PPP1R14C: variants seen among roughly 807,000 people sequenced by gnomAD.
PPP1R14C encodes protein phosphatase 1 regulatory subunit 14C.
PPP1R14C carries 16 observed loss-of-function variants against 20.4 expected under a neutral mutation model. The observed-to-expected ratio is 0.78, with a 90% CI of 0.53 to 1.19. The LOEUF is 1.19. PPP1R14C is among the 50% of genes most tolerant of loss of function. The pLI is 0.00. For missense variants in PPP1R14C, 211 were observed against 220.1 expected (o/e 0.96, Z 0.26); for synonymous variants, 91 against 91.0 (o/e 1.00, Z 0.00).
chr6:150,144,743 A>G (rs928198539), intron 1 of PPP1R14C, among the ~76,000 whole-genome samples: 1 of 152,262 alleles, frequency 6.6e-6, no homozygotes, highest in African/African-American at 2.4e-5. Context: ...TGATTATAAT[A>G]TAATGAAGCT....
At chr6:150,192,302 A>G (rs1185258758) in intron 1 of PPP1R14C, among the ~76,000 whole-genome samples, 1 of 152,174 alleles carries the variant, frequency 6.6e-6, no homozygotes, top group East Asian at 1.9e-4. Context: ...CACGGGAGAC[A>G]ATTTTTTTCA....
chr6:150,179,951 C>T (rs777146390), intron 1 of PPP1R14C, among the ~76,000 whole-genome samples: 10 of 152,126 alleles, frequency 6.6e-5, no homozygotes, highest in Admixed American at 1.3e-4. Flanking sequence ...CCTATAATTC[C>T]AGCTGTTTGG....
intron 1 of PPP1R14C, among the ~76,000 whole-genome samples, chr6:150,180,459 C>T (rs757959316): frequency 9.9e-5 from 15 of 152,242 alleles, no homozygotes; most frequent in African/African-American, 2.4e-4. Flanking sequence ...GAGAGCTATA[C>T]GTGGCAGGGC....
At chr6:150,174,425 C>T (rs1014988513) in intron 1 of PPP1R14C, among the ~76,000 whole-genome samples, 6 of 149,954 alleles carry the variant, frequency 4.0e-5, no homozygotes, top group South Asian at 2.1e-4. Flanking sequence ...ACCGTGTTAG[C>T]CAGGATGGTC....
chr6:150,203,455 C>A (rs555707824), intron 1 of PPP1R14C, among the ~76,000 whole-genome samples: 1 of 152,188 alleles, frequency 6.6e-6, no homozygotes, highest in African/African-American at 2.4e-5. Flanking sequence ...GGAGGCCTTG[C>A]GATGGGATTC....
rs1439009848 is a variant in PPP1R14C at position 150,201,323 on chromosome 6, A to G, written c.307-13421A>G. Among the ~76,000 whole-genome samples, 1 of 152,144 alleles carries G rather than the reference A, an allele frequency of 6.6e-6. No individual in the cohort carries two copies. The highest frequency in any genetic ancestry group is 1.5e-5 in the Non-Finnish European group (1 of 68,026). On this transcript the variant is annotated intron_variant, in intron 1 of 3. Coordinates refer to ENST00000361131, the MANE Select transcript of PPP1R14C (RefSeq NM_030949.3). The surrounding 1 kb of genome is among the most constrained non-coding windows in gnomAD (Gnocchi z 4.2). Reference sequence around the variant, plus strand: ...GCGAAAGAGAGGTGCAGGGCATTCTAAGTTTCCAGGGCTGGGAGGTTGACC... The same window carrying G: ...GCGAAAGAGAGGTGCAGGGCATTCTGAGTTTCCAGGGCTGGGAGGTTGACC...
chr6:150,162,107 T>G (rs1162044387), intron 1 of PPP1R14C, among the ~76,000 whole-genome samples: 1 of 146,664 alleles, frequency 6.8e-6, no homozygotes, highest in Non-Finnish European at 1.5e-5. Context: ...CCAGGCTGGG[T>G]GCAGTGGTGT....
rs537963126 is a variant in PPP1R14C at position 150,242,470 on chromosome 6, C to G, written c.424-6276C>G. Among the ~76,000 whole-genome samples, 9 of 152,282 alleles carry G rather than the reference C, an allele frequency of 5.9e-5. No individual in the cohort carries two copies. The East Asian group carries it at 1.7e-3, about 29-fold the overall frequency. ...AAAAAACTAGGAGGGGGAAAAACCCCTCTAATCATGTCAGTAATGGAAAAG... is the reference window on the plus strand; with the variant it reads ...AAAAAACTAGGAGGGGGAAAAACCCGTCTAATCATGTCAGTAATGGAAAAG... On this transcript the variant is annotated intron_variant, in intron 3 of 3. Transcript: ENST00000361131.
intron 3 of PPP1R14C, among the ~76,000 whole-genome samples, chr6:150,237,987 T>C (rs1033670288): frequency 2.0e-5 from 3 of 152,332 alleles, no homozygotes; most frequent in East Asian, 3.9e-4. Flanking sequence ...ATACGATCCA[T>C]AGTCCTCAGG....
At position 150,245,285 on chromosome 6, in the gene PPP1R14C, G is replaced by A. The variant is rs187760716; in HGVS notation, c.424-3461G>A. ...GGAGTACTGCTGTAGCTTTAAACTG[G>A]TCTGTGATTCACTGTTATCTTCATA... On this transcript the variant is annotated intron_variant, in intron 3 of 3. Coordinates refer to ENST00000361131, the MANE Select transcript of PPP1R14C (RefSeq NM_030949.3). Among the ~76,000 whole-genome samples the A allele has an allele frequency of 2.7e-3, 405 of 152,234 alleles. 2 individuals carry two copies. The highest frequency in any genetic ancestry group is 4.7e-3 in the Non-Finnish European group (320 of 68,008).
At chr6:150,145,975 G>C (rs888465797) in intron 1 of PPP1R14C, among the ~76,000 whole-genome samples, 2 of 152,208 alleles carry the variant, frequency 1.3e-5, no homozygotes, top group African/African-American at 4.8e-5. Context: ...GATGTATTTA[G>C]AAAGAGGAAG....
intron 3 of PPP1R14C, among the ~76,000 whole-genome samples, chr6:150,242,508 C>G (rs1323133969): frequency 6.6e-6 from 1 of 152,186 alleles, no homozygotes; most frequent in Non-Finnish European, 1.5e-5. Context: ...TTAGGCAAAA[C>G]CCAGCCTCTA....
chr6:150,249,025 A>G lies in PPP1R14C; in HGVS notation c.*205A>G, dbSNP rs1778529704. On this transcript the variant is annotated 3_prime_UTR_variant, in exon 4 of 4. Transcript: ENST00000361131. The stretch of plus-strand genomic sequence containing the variant: ...TGGTTTTAAAGGTTTTTGTTAATGT[A>G]ATATTTTAATAGCAAAGATATCATG... 1 of 481,536 alleles carries G rather than the reference A, an allele frequency of 2.1e-6. No homozygotes were observed. Among genetic ancestry groups the G allele is most frequent in the African/African-American group, 2.0e-5 (1 of 50,634 alleles). 29.8% of individuals were successfully genotyped at this position (481,536 alleles called of 1,614,324 possible). A position where few individuals can be genotyped will look rare whatever the true frequency, so the allele number is the denominator to read the frequency against.
chr6:150,192,735 C>T (rs544182826), intron 1 of PPP1R14C, among the ~76,000 whole-genome samples: 1 of 152,328 alleles, frequency 6.6e-6, no homozygotes, highest in Admixed American at 6.5e-5. Context: ...CTCTTGGGCT[C>T]TCTTACACAG....
chr6:150,205,820 AAAG>A lies in PPP1R14C; in HGVS notation c.307-8921_307-8919del, dbSNP rs888537943. Among the ~76,000 whole-genome samples the A allele has an allele frequency of 5.9e-5, 9 of 152,168 alleles. No individual in the cohort carries two copies. In the South Asian group the frequency reaches 8.3e-4, roughly 14 times the overall value. On this transcript the variant is annotated intron_variant, in intron 1 of 3. Transcript: ENST00000361131. ...AAAAAAAAAAAATAATGGAAATAAA[AAAG>A]AAAAAGAAATATATATATCATGCTA...
rs772936112 is a variant in PPP1R14C, at chr6:150,222,991, G to A, written c.423+6135G>A. Among the ~76,000 whole-genome samples the A allele has an allele frequency of 8.2e-4, 125 of 151,902 alleles. 1 individual carries two copies. In the Middle Eastern group the frequency reaches 0.037, roughly 45 times the overall value. Reference sequence around the variant, plus strand: ...ACCATGTTGGCAAGGCTGGTCTTGAGCTCCTGACCTCAGGTGATGTGCCCA... The same window carrying A: ...ACCATGTTGGCAAGGCTGGTCTTGAACTCCTGACCTCAGGTGATGTGCCCA... On this transcript the variant is annotated intron_variant, in intron 3 of 3. Transcript: ENST00000361131.
intron 1 of PPP1R14C, among the ~76,000 whole-genome samples, chr6:150,197,492 G>C (rs1322125007): frequency 6.6e-6 from 1 of 152,256 alleles, no homozygotes; most frequent in East Asian, 1.9e-4. Flanking sequence ...GGTGAGATTA[G>C]TGAGAAGGGA....
intron 1 of PPP1R14C, among the ~76,000 whole-genome samples, chr6:150,173,945 A>G (rs368487013): frequency 8.6e-5 from 13 of 151,958 alleles, no homozygotes; most frequent in African/African-American, 2.9e-4. Context: ...TCAAAGCCCA[A>G]CTTGAACCCC....
chr6:150,172,647 T>A lies in PPP1R14C; in HGVS notation c.306+29149T>A, dbSNP rs1777512526. Among the ~76,000 whole-genome samples the A allele has an allele frequency of 2.0e-5, 3 of 152,218 alleles. 1 individual carries two copies. The South Asian group carries it at 6.2e-4, about 32-fold the overall frequency. The stretch of plus-strand genomic sequence containing the variant: ...TTATTGTGGGCCTCAGAATAGAAGC[T>A]TCTTGGCCTGAAAATGAAGTTCTTT... On this transcript the variant is annotated intron_variant, in intron 1 of 3. Coordinates refer to ENST00000361131, the MANE Select transcript of PPP1R14C (RefSeq NM_030949.3).
Sources: allele counts gnomAD v4.1 joint callset (sites outside exome capture counted in the v4.1 genomes callset), GRCh38; gene constraint gnomAD v4.1.1; non-coding constraint Gnocchi (gnomAD v3.1); transcripts MANE v1.5; gene names NCBI Gene and HGNC (gene_info 2026-07-23, HGNC 2026-07-21).